The following HMHB1 variants were observed in gnomAD, a reference collection of about 807,000 sequenced individuals.
The protein encoded by HMHB1 is minor histocompatibility protein HB-1.
In HMHB1, 4 loss-of-function variants were observed where a neutral mutation model predicts 2.4. The ratio of observed to expected loss-of-function variants is 1.65; its 90% CI spans 0.81 to 3.77. The LOEUF is 3.77. HMHB1 is among the 30% of genes most tolerant of loss of function. HMHB1 has a pLI of 0.01. For missense variants in HMHB1, 57 were observed against 44.2 expected (o/e 1.29, Z -0.82); for synonymous variants, 22 against 17.6 (o/e 1.25, Z -0.63).
Position 143,820,608 on chromosome 5 carries a change from T to A in HMHB1, c.*40T>A. On this transcript the variant is annotated 3_prime_UTR_variant, in exon 2 of 2. Transcript: ENST00000289448. ...TTTGACTCGAAGCCCAGAGTTTTGG[T>A]GTGGATGAGCAGGGACAAATTGCTG... is the stretch of plus-strand genomic sequence containing the variant. 1 of 1,338,326 alleles carries A rather than the reference T, an allele frequency of 7.5e-7. No individual in the cohort carries two copies. The highest frequency in any genetic ancestry group is 1.1e-6 in the Non-Finnish European group (1 of 930,226). The allele number at this position is 1,338,326 out of a possible 1,614,324, so 82.9% of individuals were successfully genotyped here. A position where few individuals can be genotyped will look rare whatever the true frequency, so the allele number is the denominator to read the frequency against.
chr5:143,818,637 TGAAATTTG>T (rs1759774316), intron 1 of HMHB1, among the ~76,000 whole-genome samples: 1 of 152,250 alleles, frequency 6.6e-6, no homozygotes, highest in Non-Finnish European at 1.5e-5. Flanking sequence ...GTTAAACCTC[TGAAATTTG>T]GAACTCTTCC....
At chr5:143,816,880 T>G (rs1759755289) in intron 1 of HMHB1, among the ~76,000 whole-genome samples, 1 of 152,248 alleles carries the variant, frequency 6.6e-6, no homozygotes, top group Non-Finnish European at 1.5e-5. Context: ...TGCTTTGATT[T>G]TTTGATTATA....
intron 1 of HMHB1, among the ~76,000 whole-genome samples, chr5:143,816,861 C>A (rs975271878): frequency 1.3e-5 from 2 of 152,234 alleles, no homozygotes; most frequent in African/African-American, 4.8e-5. Flanking sequence ...TCCATGCCAG[C>A]ATCTACTGTG....
At position 143,820,318 on chromosome 5, in the gene HMHB1, T is replaced by TAAAAAAAAAAAAAA. The variant is rs60960654; in HGVS notation, c.38-143_38-130dup. On this transcript the variant is annotated intron_variant, in intron 1 of 1. Transcript: ENST00000289448. Reference sequence around the variant, plus strand: ...AGGTGCTGCCCCGGCTCATCATAAGTAAAAAAAAAAAAAAAAAAAAAAAAA... The same window carrying TAAAAAAAAAAAAAA: ...AGGTGCTGCCCCGGCTCATCATAAGTAAAAAAAAAAAAAAAAAAAAAAAAAAAAAAAAAAAAAAA... Among the ~76,000 whole-genome samples the TAAAAAAAAAAAAAA allele has an allele frequency of 4.8e-3, 228 of 47,576 alleles. 4 individuals carry two copies. The highest frequency in any genetic ancestry group is 7.6e-3 in the Non-Finnish European group (186 of 24,488). 31.2% of individuals were successfully genotyped at this position (47,576 alleles called of 152,430 possible).
intron 1 of HMHB1, among the ~76,000 whole-genome samples, chr5:143,815,213 A>C (rs1033562471): frequency 2.0e-5 from 3 of 152,354 alleles, no homozygotes; most frequent in Middle Eastern, 3.4e-3. Context: ...CCACAAATTT[A>C]GTAGTTTAAA....
chr5:143,816,025 G>A (rs556831443), intron 1 of HMHB1, among the ~76,000 whole-genome samples: 3 of 151,996 alleles, frequency 2.0e-5, no homozygotes, highest in East Asian at 3.9e-4. Context: ...ACTTTTAAGG[G>A]CCCTTTTATT....
At chr5:143,814,866 C>A (rs1759730651) in intron 1 of HMHB1, among the ~76,000 whole-genome samples, 1 of 152,200 alleles carries the variant, frequency 6.6e-6, no homozygotes, top group South Asian at 2.1e-4. Context: ...TTCACCTGTG[C>A]CCACAAATAC....
chr5:143,814,863 G>A (rs971622746), intron 1 of HMHB1, among the ~76,000 whole-genome samples: 4 of 152,186 alleles, frequency 2.6e-5, no homozygotes, highest in Non-Finnish European at 5.9e-5. Context: ...TGCTTCACCT[G>A]TGCCCACAAA....
chr5:143,815,727 T>G, intron 1 of HMHB1, among the ~76,000 whole-genome samples: 2 of 138,278 alleles, frequency 1.4e-5, no homozygotes, highest in Non-Finnish European at 1.5e-5. Context: ...TGAGACGGAG[T>G]CTCGCTCTGT....
chr5:143,815,950 C>T (rs186267175), intron 1 of HMHB1, among the ~76,000 whole-genome samples: 1,639 of 145,208 alleles, frequency 0.011, 91 homozygotes, highest in African/African-American at 0.031. Flanking sequence ...TCATGATCCA[C>T]CCGCCTCGGC....
intron 1 of HMHB1, among the ~76,000 whole-genome samples, chr5:143,816,982 G>A (rs1278771589): frequency 2.0e-5 from 3 of 152,112 alleles, no homozygotes; most frequent in Admixed American, 1.3e-4. Flanking sequence ...TCATATGTTT[G>A]TTGGCCATTT....
intron 1 of HMHB1, 104 bp downstream of exon 1, chr5:143,812,408 C>A: frequency 2.9e-6 from 3 of 1,030,068 alleles, no homozygotes; most frequent in Non-Finnish European, 4.4e-6. Flanking sequence ...GAAACCACAA[C>A]AGGTGAAAAC....
Position 143,820,590 on chromosome 5 carries a change from C to A in HMHB1, c.*22C>A. 1 of 1,528,078 alleles carries A rather than the reference C, an allele frequency of 6.5e-7. No individual in the cohort carries two copies. Among genetic ancestry groups the A allele is most frequent in the East Asian group, 2.3e-5 (1 of 44,420 alleles). The allele number at this position is 1,528,078 out of a possible 1,614,324, so 94.7% of individuals were successfully genotyped here. A position where few individuals can be genotyped will look rare whatever the true frequency, so the allele number is the denominator to read the frequency against. ...TTGACACTGCTGTTGAGGTTTGACT[C>A]GAAGCCCAGAGTTTTGGTGTGGATG... On this transcript the variant is annotated 3_prime_UTR_variant, in exon 2 of 2. Coordinates refer to ENST00000289448, the MANE Select transcript of HMHB1 (RefSeq NM_021182.3).
intron 1 of HMHB1, among the ~76,000 whole-genome samples, chr5:143,819,834 T>C (rs1222200830): frequency 6.6e-6 from 1 of 152,164 alleles, no homozygotes; most frequent in Non-Finnish European, 1.5e-5. Context: ...TGACATCAGA[T>C]ATTCTTGCCC....
intron 1 of HMHB1, among the ~76,000 whole-genome samples, chr5:143,813,401 G>A (rs575609458): frequency 3.9e-5 from 6 of 152,128 alleles, no homozygotes; most frequent in African/African-American, 1.2e-4. Context: ...GCACTTGTTC[G>A]CCTCCTCCAT....
rs1278241072 is a variant in HMHB1 at position 143,815,715 on chromosome 5, T to TAG, written c.37+3411_37+3412insAG. ...GCTAATTTTTGTATTTTTTTTTTTT[T>TAG]TTGAGACGGAGTCTCGCTCTGTCGC... On this transcript the variant is annotated intron_variant, in intron 1 of 1. Coordinates refer to ENST00000289448, the MANE Select transcript of HMHB1 (RefSeq NM_021182.3). 6.8e-3 allele frequency among the ~76,000 whole-genome samples: 971 copies of TAG among 143,514 alleles called. 8 individuals are homozygous for TAG. Among genetic ancestry groups the TAG allele is most frequent in the African/African-American group, 0.017 (619 of 36,134 alleles). The allele number at this position is 143,514 out of a possible 152,430, so 94.2% of individuals were successfully genotyped here. A position where few individuals can be genotyped will look rare whatever the true frequency, so the allele number is the denominator to read the frequency against.
intron 1 of HMHB1, among the ~76,000 whole-genome samples, chr5:143,816,237 A>T (rs900682398): frequency 6.6e-6 from 1 of 152,186 alleles, no homozygotes; most frequent in African/African-American, 2.4e-5. Context: ...ATTGTGGAGT[A>T]GGTGGTGTTT....
chr5:143,819,634 C>CAA (rs34190658), intron 1 of HMHB1, among the ~76,000 whole-genome samples: 2,034 of 82,578 alleles, frequency 0.025, 79 homozygotes, highest in African/African-American at 0.083. Flanking sequence ...GACTCTGTCT[C>CAA]AAAAAAAAAA....
Position 143,820,579 on chromosome 5 carries a change from G to C in HMHB1, c.*11G>C. The C allele has an allele frequency of 6.3e-7, 1 of 1,583,372 alleles. No homozygotes were observed. The highest frequency in any genetic ancestry group is 1.3e-5 in the African/African-American group (1 of 74,422). ...ACTTATAGGCTTTGACACTGCTGTTGAGGTTTGACTCGAAGCCCAGAGTTT... is the reference window on the plus strand; with the variant it reads ...ACTTATAGGCTTTGACACTGCTGTTCAGGTTTGACTCGAAGCCCAGAGTTT... On this transcript the variant is annotated 3_prime_UTR_variant, in exon 2 of 2. Coordinates refer to ENST00000289448, the MANE Select transcript of HMHB1 (RefSeq NM_021182.3).
Sources: gnomAD v4.1 joint callset for allele counts (sites outside exome capture counted in the v4.1 genomes callset) on GRCh38, gnomAD v4.1.1 for gene constraint, MANE v1.5 for transcripts, NCBI Gene and HGNC (gene_info 2026-07-23, HGNC 2026-07-21) for gene names.